XIRP2: variants seen among roughly 807,000 people sequenced by gnomAD.
XIRP2 encodes xin actin-binding repeat-containing protein 2.
XIRP2 carries 236 observed loss-of-function variants against 277.0 expected under a neutral mutation model. The observed-to-expected ratio is 0.85, with a 90% CI of 0.77 to 0.95. The LOEUF is 0.95. Among genes scored for constraint, XIRP2 ranks in the 40% least tolerant of loss-of-function variants. The pLI is 0.00. For synonymous variants in XIRP2, 1,490 were observed against 1,416.5 expected, an observed-to-expected ratio of 1.05 and a Z score of -1.17; for missense variants, 4,640 against 4,157.5, an observed-to-expected ratio of 1.12 and a Z score of -3.19.
intron 2 of XIRP2, among the ~76,000 whole-genome samples, chr2:166,920,153 A>G (rs1194346499): frequency 6.6e-6 from 1 of 152,184 alleles, no homozygotes; most frequent in Non-Finnish European, 1.5e-5. Context: ...AACACTGCGT[A>G]TCTACCAGGT....
intron 2 of XIRP2, among the ~76,000 whole-genome samples, chr2:167,011,353 T>C (rs1327347657): frequency 6.6e-6 from 1 of 151,524 alleles, no homozygotes; most frequent in Non-Finnish European, 1.5e-5. Flanking sequence ...TCTTTGGTTC[T>C]GTTTATATGC....
intron 3 of XIRP2, among the ~76,000 whole-genome samples, chr2:167,172,491 G>C (rs1331336567): frequency 1.3e-5 from 2 of 152,192 alleles, no homozygotes; most frequent in East Asian, 3.8e-4. Flanking sequence ...AGCACTATGG[G>C]AGACTGGGGC....
Position 167,250,254 on chromosome 2 carries a change from G to C in XIRP2, c.8862G>C (p.Leu2954=). The C allele has an allele frequency of 6.2e-7, 1 of 1,613,254 alleles. No individual in the cohort carries two copies. The highest frequency in any genetic ancestry group is 8.5e-7 in the Non-Finnish European group (1 of 1,179,630). ...IVEFLRKREE[L]QQILSRVKQF... ...AATTCTTGAGAAAACGTGAAGAACT[G>C]CAACAGATTTTGTCGAGAGTGAAAC... The change falls in exon 9 of 11, where the codon CTG becomes CTC. Residue 2954 remains leucine, a synonymous_variant. Transcript: ENST00000409195.
rs1695335210 is a variant in XIRP2, at chr2:167,248,016, A to C, written c.6624A>C (p.Pro2208=). 6.2e-7 allele frequency: 1 copy of C among 1,613,288 alleles called. No homozygotes were observed. The highest frequency in any genetic ancestry group is 8.5e-7 in the Non-Finnish European group (1 of 1,179,658). Reference sequence around the variant, plus strand: ...AGAAAAAGAATATAAACCTTCAACCAATGTGGCAGCTTTTGCCTGTAGAGC... The same window carrying C: ...AGAAAAAGAATATAAACCTTCAACCCATGTGGCAGCTTTTGCCTGTAGAGC... The part of the protein sequence containing the change: ...DIKKKNINLQ[P]MWQLLPVEQD... Residue 2208 remains proline (P), a synonymous_variant, in exon 9 of 11, where the codon CCA becomes CCC. Coordinates refer to ENST00000409195, the MANE Select transcript of XIRP2 (RefSeq NM_152381.6).
intron 3 of XIRP2, among the ~76,000 whole-genome samples, chr2:167,177,951 A>G (rs1272954928): frequency 1.3e-5 from 2 of 151,998 alleles, no homozygotes; most frequent in African/African-American, 2.4e-5. Context: ...TAAATGGAAT[A>G]TGGTATGTCC....
rs1050976930 is a variant in XIRP2, at chr2:167,005,273, G to T, written c.408+101383G>T. Among the ~76,000 whole-genome samples the T allele has an allele frequency of 2.6e-5, 4 of 151,892 alleles. No homozygotes were observed. In the East Asian group the frequency reaches 7.8e-4, roughly 30 times the overall value. On this transcript the variant is annotated intron_variant, in intron 2 of 10. Transcript: ENST00000409195. Reference sequence around the variant, plus strand: ...TTCAGAAGAAACAAGAATATATTTTGTCATATTCTTTAGAGACTATATTAG... The same window carrying T: ...TTCAGAAGAAACAAGAATATATTTTTTCATATTCTTTAGAGACTATATTAG...
Position 167,239,938 on chromosome 2 carries a change from G to GA in XIRP2, c.946dup (p.Ile316AsnfsTer2). The GA allele has an allele frequency of 6.2e-7, 1 of 1,603,068 alleles. No individual in the cohort carries two copies. Among genetic ancestry groups the GA allele is most frequent in the Non-Finnish European group, 8.5e-7 (1 of 1,177,204 alleles). ...ATGAACAAGAAGGGTCCAAAGTACA[G>GA]AAAATTGATGTTCATGGAACAGAAA... On this transcript the variant is annotated frameshift_variant, in exon 6 of 11. Coordinates refer to ENST00000409195, the MANE Select transcript of XIRP2 (RefSeq NM_152381.6). LOFTEE classifies it high-confidence loss of function.
intron 2 of XIRP2, among the ~76,000 whole-genome samples, chr2:167,007,948 A>G (rs183446972): frequency 7.9e-5 from 12 of 151,604 alleles, no homozygotes; most frequent in African/African-American, 2.7e-4. Flanking sequence ...CATCTTTTGA[A>G]AATGTATGCT....
chr2:166,962,150 C>G (rs1175969989), intron 2 of XIRP2, among the ~76,000 whole-genome samples: 2 of 151,584 alleles, frequency 1.3e-5, no homozygotes, highest in Non-Finnish European at 3.0e-5. Context: ...ACCTGGCCAC[C>G]CACAATCTTG....
At chr2:167,076,413 C>G (rs74852068) in intron 2 of XIRP2, among the ~76,000 whole-genome samples, 7,710 of 152,210 alleles carry the variant, frequency 0.051, 307 homozygotes, top group African/African-American at 0.11. Context: ...ACATACTGAA[C>G]TTTCAGAAAA....
chr2:167,198,934 A>C (rs1009916259), intron 3 of XIRP2, among the ~76,000 whole-genome samples: 14 of 152,220 alleles, frequency 9.2e-5, no homozygotes, highest in African/African-American at 3.4e-4. Flanking sequence ...AGCATTTTAA[A>C]CAAAGACTTG....
chr2:166,945,245 C>T (rs1685826053), intron 2 of XIRP2, among the ~76,000 whole-genome samples: 1 of 152,128 alleles, frequency 6.6e-6, no homozygotes, highest in Non-Finnish European at 1.5e-5. Flanking sequence ...GCTACACATT[C>T]CTCTGTAGTC....
At chr2:166,931,501 T>C (rs1024338630) in intron 2 of XIRP2, among the ~76,000 whole-genome samples, 13 of 152,202 alleles carry the variant, frequency 8.5e-5, no homozygotes, top group Non-Finnish European at 1.5e-5. Context: ...TTAAACTTTA[T>C]TTGAGTCATA....
chr2:167,111,179 CTGAT>C (rs1690744786), intron 2 of XIRP2, among the ~76,000 whole-genome samples: 1 of 152,092 alleles, frequency 6.6e-6, no homozygotes, highest in Admixed American at 6.6e-5. Context: ...TTTCTCTTGA[CTGAT>C]TGTTATGGCC....
chr2:166,962,600 A>C (rs2105409267), intron 2 of XIRP2, among the ~76,000 whole-genome samples: 1 of 151,960 alleles, frequency 6.6e-6, no homozygotes, highest in African/African-American at 2.4e-5. Flanking sequence ...GGAAAAAGCA[A>C]CTCAAAAAGT....
chr2:166,940,333 A>G (rs1411060644), intron 2 of XIRP2, among the ~76,000 whole-genome samples: 1 of 152,110 alleles, frequency 6.6e-6, no homozygotes, highest in Non-Finnish European at 1.5e-5. Flanking sequence ...TGGTTATTCT[A>G]GTTAGCCATT....
chr2:167,090,976 C>T (rs1690128808), intron 2 of XIRP2, among the ~76,000 whole-genome samples: 1 of 152,102 alleles, frequency 6.6e-6, no homozygotes, highest in African/African-American at 2.4e-5. Flanking sequence ...ACAACAATAT[C>T]TTGCCAGATA....
At chr2:167,018,331 C>T (rs1441332708) in intron 2 of XIRP2, among the ~76,000 whole-genome samples, 1 of 151,978 alleles carries the variant, frequency 6.6e-6, no homozygotes, top group Non-Finnish European at 1.5e-5. Flanking sequence ...TTCCTTGCAC[C>T]ACTCTTAATA....
chr2:167,063,640 A>G (rs1689226100), intron 2 of XIRP2, among the ~76,000 whole-genome samples: 1 of 151,846 alleles, frequency 6.6e-6, no homozygotes. Flanking sequence ...AGATCATTTT[A>G]TCTTTTGATA....
Sources: allele counts gnomAD v4.1 joint callset (sites outside exome capture counted in the v4.1 genomes callset), GRCh38; gene constraint gnomAD v4.1.1; transcripts MANE v1.5; gene names NCBI Gene and HGNC (gene_info 2026-07-23, HGNC 2026-07-21).